The following SLC5A4 variants were observed in gnomAD, a reference collection of about 807,000 sequenced individuals.
SLC5A4 encodes probable glucose sensor protein SLC5A4.
Under a neutral mutation model 70.3 loss-of-function variants are expected in SLC5A4, and 55 were observed. The ratio of observed to expected loss-of-function variants is 0.78; its 90% CI spans 0.63 to 0.98. The LOEUF (loss-of-function observed/expected upper bound fraction) is 0.98. SLC5A4 is among the 50% of genes least tolerant of loss of function. The pLI, the probability that SLC5A4 is intolerant of heterozygous loss-of-function variation, is 0.00. For synonymous variants in SLC5A4, 268 were observed against 305.7 expected (o/e 0.88, Z 1.29); for missense variants, 735 against 839.2 (o/e 0.88, Z 1.53).
the SLC5A4 span, among the ~76,000 whole-genome samples, chr22:32,318,656 T>C: frequency 3.3e-5 from 5 of 152,198 alleles, no homozygotes; most frequent in African/African-American, 4.8e-5. Flanking sequence ...ATTCTTGCAG[T>C]GGGTGTCTGT....
chr22:32,219,306 C>T (rs35413610), intron 14 of SLC5A4, among the ~76,000 whole-genome samples: 3,298 of 152,108 alleles, frequency 0.022, 60 homozygotes, highest in Non-Finnish European at 0.032. Context: ...ACCCTTTGAC[C>T]CAACAACGGA....
chr22:32,233,055 A>G, intron 8 of SLC5A4, 21 bp from the exon 9 acceptor site: 1 of 1,604,392 alleles, frequency 6.2e-7, no homozygotes, highest in Non-Finnish European at 8.5e-7. Context: ...AACGTGACAC[A>G]CTCATGAAAC....
the SLC5A4 span, among the ~76,000 whole-genome samples, chr22:32,341,371 G>A: frequency 2.0e-5 from 3 of 152,214 alleles, no homozygotes; most frequent in African/African-American, 7.2e-5. Flanking sequence ...CTGTGGGGCA[G>A]AGGACCCAGG....
chr22:32,349,399 A>G, the SLC5A4 span, among the ~76,000 whole-genome samples: 1 of 152,262 alleles, frequency 6.6e-6, no homozygotes, highest in Non-Finnish European at 1.5e-5. Context: ...AACTCTTTCT[A>G]GCATAGCTAG....
At chr22:32,333,197 C>CCT in the SLC5A4 span, among the ~76,000 whole-genome samples, 2 of 62,752 alleles carry the variant, frequency 3.2e-5, no homozygotes, top group African/African-American at 7.9e-5. Context: ...AGCACTGGCA[C>CCT]CCCCCCCCCA....
At chr22:32,239,518 TTA>T (rs1173210993) in intron 5 of SLC5A4, among the ~76,000 whole-genome samples, 138 of 25,166 alleles carry the variant, frequency 5.5e-3, no homozygotes, top group Non-Finnish European at 6.7e-3. Context: ...GGAGTGCATA[TTA>T]TATATATATA....
the SLC5A4 span, among the ~76,000 whole-genome samples, chr22:32,350,341 C>T: frequency 6.6e-6 from 1 of 152,202 alleles, no homozygotes; most frequent in African/African-American, 2.4e-5. Context: ...GCTCACTCAA[C>T]CATCCTGTAA....
intron 5 of SLC5A4, among the ~76,000 whole-genome samples, chr22:32,245,828 T>C (rs376163672): frequency 3.9e-4 from 60 of 152,188 alleles, no homozygotes; most frequent in African/African-American, 1.3e-3. Flanking sequence ...CTGCTCATGC[T>C]CTTCAGAACT....
the SLC5A4 span, among the ~76,000 whole-genome samples, chr22:32,336,114 C>A: frequency 2.6e-5 from 4 of 152,174 alleles, no homozygotes; most frequent in Non-Finnish European, 2.9e-5. Flanking sequence ...CCCTGCAGTG[C>A]CTGATCTGGG....
At chr22:32,318,703 G>C in the SLC5A4 span, among the ~76,000 whole-genome samples, 1 of 152,178 alleles carries the variant, frequency 6.6e-6, no homozygotes. Context: ...CAACACAGCA[G>C]CCAGAGAAGC....
rs1274809126 is a variant in SLC5A4 at position 32,234,991 on chromosome 22, T to C, written c.767A>G (p.Tyr256Cys). The C allele has an allele frequency of 1.2e-6, 2 of 1,613,830 alleles. No individual in the cohort carries two copies. The highest frequency in any genetic ancestry group is 1.7e-6 in the Non-Finnish European group (2 of 1,179,948). Residue 256 changes from tyrosine to cysteine, a missense_variant, in exon 8 of 15, where the codon TAC (tyrosine) becomes TGC (cysteine). Transcript: ENST00000266086. ...GTGGAAGGAGTCCGCCCGAGGTGTG[T>C]AGCAACTGGCACTGATTGTCAAGTT... The part of the protein sequence containing the change: ...GDNLTISASC[Y>C]TPRADSFHIF...
chr22:32,224,317 G>A lies in SLC5A4; in HGVS notation c.1615C>T (p.Leu539=). ...FSIVLFFGSM[L]VTLGISLLTK... Reference sequence around the variant, plus strand: ...AAGAGGGAAATTCCCAGGGTGACCAGCATGGACCCAAAAAAGAGAACGATG... The same window carrying A: ...AAGAGGGAAATTCCCAGGGTGACCAACATGGACCCAAAAAAGAGAACGATG... The change falls in exon 13 of 15, where the codon CTG becomes TTG. Residue 539 remains leucine, a synonymous_variant. Transcript: ENST00000266086. The A allele has an allele frequency of 6.2e-7, 1 of 1,614,046 alleles. No individual in the cohort carries two copies. The highest frequency in any genetic ancestry group is 1.3e-5 in the African/African-American group (1 of 75,030).
the SLC5A4 span, among the ~76,000 whole-genome samples, chr22:32,313,387 A>T: frequency 6.6e-6 from 1 of 152,220 alleles, no homozygotes; most frequent in African/African-American, 2.4e-5. Context: ...CACCCTTGCT[A>T]TAACAAACTA....
intron 3 of SLC5A4, 90 bp from the exon 4 acceptor site, chr22:32,248,892 A>T (rs185568510): frequency 9.0e-5 from 54 of 601,032 alleles, no homozygotes; most frequent in African/African-American, 8.0e-4. Context: ...TCTGGAAATT[A>T]AAAAAAAAAG....
chr22:32,231,132 C>T, intron 9 of SLC5A4, 57 bp from the exon 10 acceptor site: 1 of 999,168 alleles, frequency 1.0e-6, no homozygotes, highest in East Asian at 2.4e-5. Flanking sequence ...AACCAACAAC[C>T]ATTAAACAAA....
chr22:32,288,020 T>C, the SLC5A4 span, among the ~76,000 whole-genome samples: 1 of 149,210 alleles, frequency 6.7e-6, no homozygotes, highest in Non-Finnish European at 1.5e-5. Flanking sequence ...TTTCTTTCTT[T>C]TTTTTTTTTT....
At chr22:32,301,692 G>C in the SLC5A4 span, among the ~76,000 whole-genome samples, 3 of 152,108 alleles carry the variant, frequency 2.0e-5, no homozygotes, top group Admixed American at 2.0e-4. Context: ...GGAAATGCAA[G>C]AGACCCATAT....
the SLC5A4 span, among the ~76,000 whole-genome samples, chr22:32,282,035 G>A: frequency 1.1e-4 from 16 of 151,610 alleles, no homozygotes; most frequent in Non-Finnish European, 1.3e-4. Flanking sequence ...TAGAGACGGC[G>A]TTTCACCATG....
At chr22:32,292,254 ATAT>A in the SLC5A4 span, among the ~76,000 whole-genome samples, 17 of 125,996 alleles carry the variant, frequency 1.3e-4, no homozygotes, top group East Asian at 8.9e-4. Flanking sequence ...TATATACTAG[ATAT>A]TATATATAAT....
Sources: gnomAD v4.1 joint callset for allele counts (sites outside exome capture counted in the v4.1 genomes callset) on GRCh38, gnomAD v4.1.1 for gene constraint, MANE v1.5 for transcripts, NCBI Gene and HGNC (gene_info 2026-07-23, HGNC 2026-07-21) for gene names.